Variants in GCC2 observed in about 807,000 individuals in gnomAD.
The protein encoded by GCC2 is GRIP and coiled-coil domain-containing protein 2.
GCC2 carries 120 observed loss-of-function variants against 210.6 expected under a neutral mutation model. That is an observed-to-expected ratio of 0.57 (90% CI 0.49 to 0.66). GCC2 has a LOEUF of 0.66. Ranked by LOEUF, GCC2 falls within the 30% of genes least tolerant of loss-of-function variation. GCC2 has a pLI of 0.00. For synonymous variants in GCC2, 703 were observed against 652.7 expected (o/e 1.08, Z -1.17); for missense variants, 1,868 against 1,871.9 (o/e 1.00, Z 0.04).
chr2:108,476,849 A>G (rs1275376078), intron 9 of GCC2, among the ~76,000 whole-genome samples: 2 of 152,174 alleles, frequency 1.3e-5, no homozygotes, highest in African/African-American at 2.4e-5. Flanking sequence ...AATAGAAGAT[A>G]CATACTGTGT....
intron 13 of GCC2, among the ~76,000 whole-genome samples, chr2:108,485,104 A>G (rs1261150105): frequency 1.3e-5 from 2 of 148,550 alleles, no homozygotes; most frequent in Non-Finnish European, 3.0e-5. Flanking sequence ...TCTCACTCAT[A>G]GGTGGGAACT....
intron 3 of GCC2, among the ~76,000 whole-genome samples, chr2:108,452,154 C>T (rs1679979710): frequency 6.6e-6 from 1 of 152,020 alleles, no homozygotes; most frequent in South Asian, 2.1e-4. Flanking sequence ...CTGGGGTATG[C>T]TTGAAAATTA....
chr2:108,485,177 G>A (rs545045110), intron 13 of GCC2, among the ~76,000 whole-genome samples: 1 of 151,358 alleles, frequency 6.6e-6, no homozygotes, highest in African/African-American at 2.4e-5. Context: ...GTGGTGGGGT[G>A]GGGGGAGTGG....
rs1237487117 is a variant in GCC2 at position 108,481,384 on chromosome 2, C to T, written c.3061-313C>T. 2.6e-5 allele frequency among the ~76,000 whole-genome samples: 4 copies of T among 152,148 alleles called. 1 individual carries two copies. The highest frequency in any genetic ancestry group is 9.7e-5 in the African/African-American group (4 of 41,440). ...AAATTGTGTTTATTAAACGTTGTAT[C>T]TATCCTTAAATTGTGTTTACACTTC... On this transcript the variant is annotated intron_variant, in intron 9 of 22. Transcript: ENST00000309863.
rs1305338654 is a variant in GCC2 at position 108,469,801 on chromosome 2, G to C, written c.472G>C (p.Glu158Gln). 3 of 1,613,808 alleles carry C rather than the reference G, an allele frequency of 1.9e-6. No individual in the cohort carries two copies. The African/African-American group carries it at 4.0e-5, about 22-fold the overall frequency. Residue 158 changes from glutamate to glutamine, a missense_variant, in exon 6 of 23, where the codon GAA becomes CAA. By Grantham distance (29) the Glu-to-Gln change is conservative. This residue lies in a region of GCC2 where 1,847 missense variants were observed against 1,765.2 expected (regional missense o/e 1.05). Coordinates refer to ENST00000309863, the MANE Select transcript of GCC2 (RefSeq NM_181453.4). ...AGCTAACTTACAAAAGCAGCTGGAA[G>C]AAGCAATGAATACGCAATTAGAACT... ...DKANLQKQLE[E>Q]AMNTQLELSE...
At chr2:108,457,806 TCCAGCAA>T (rs1680350278) in intron 4 of GCC2, among the ~76,000 whole-genome samples, 1 of 152,228 alleles carries the variant, frequency 6.6e-6, no homozygotes, top group African/African-American at 2.4e-5. Flanking sequence ...TGAATTTGTA[TCCAGCAA>T]CCTTACTGAA....
At position 108,469,852 on chromosome 2, in the gene GCC2, A is replaced by T. The variant is rs1340529074; in HGVS notation, c.523A>T (p.Asn175Tyr). The change falls in exon 6 of 23, where the codon AAC becomes TAC. Residue 175 changes from asparagine (N) to tyrosine (Y), a missense_variant. Coordinates refer to ENST00000309863, the MANE Select transcript of GCC2 (RefSeq NM_181453.4). ...ELSEQLKFQN[N>Y]SEDNVKKLQE... ...TTCAGAACAACTTAAATTTCAGAACAACTCTGAAGATAATGTTAAAAAACT... is the reference window on the plus strand; with the variant it reads ...TTCAGAACAACTTAAATTTCAGAACTACTCTGAAGATAATGTTAAAAAACT... 4 of 1,611,620 alleles carry T rather than the reference A, an allele frequency of 2.5e-6. No individual in the cohort carries two copies. In the East Asian group the frequency reaches 8.9e-5, roughly 36 times the overall value.
At position 108,486,348 on chromosome 2, in the gene GCC2, A is replaced by G. The variant is rs560811117; in HGVS notation, c.3793-163A>G. 5 of 702,504 alleles carry G rather than the reference A, an allele frequency of 7.1e-6. No homozygotes were observed. The Admixed American group carries it at 7.3e-5, about 10-fold the overall frequency. The allele number at this position is 702,504 out of a possible 1,614,324, so 43.5% of individuals were successfully genotyped here. The stretch of plus-strand genomic sequence containing the variant: ...GAAAAGATAACTTAGAAAATGTTCT[A>G]CTTGTCTCTGCTTTTTCAATAATAA... On this transcript the variant is annotated intron_variant, in intron 15 of 22. Coordinates refer to ENST00000309863, the MANE Select transcript of GCC2 (RefSeq NM_181453.4).
chr2:108,500,751 G>A (rs1682882681), intron 22 of GCC2, among the ~76,000 whole-genome samples: 1 of 152,148 alleles, frequency 6.6e-6, no homozygotes, highest in Non-Finnish European at 1.5e-5. Flanking sequence ...CTCTTGCGTT[G>A]TCACCCATCT....
At chr2:108,456,457 G>A (rs1465218476) in intron 4 of GCC2, among the ~76,000 whole-genome samples, 2 of 152,078 alleles carry the variant, frequency 1.3e-5, no homozygotes, top group Non-Finnish European at 2.9e-5. Context: ...GTGATATTGA[G>A]TATTTTATCA....
intron 22 of GCC2, among the ~76,000 whole-genome samples, chr2:108,501,664 C>T (rs1682932579): frequency 6.6e-6 from 1 of 152,020 alleles, no homozygotes; most frequent in Admixed American, 6.6e-5. Context: ...TCTGAATCAT[C>T]TGGTATACTT....
chr2:108,498,870 C>T (rs947246723), intron 21 of GCC2, among the ~76,000 whole-genome samples: 4 of 151,292 alleles, frequency 2.6e-5, no homozygotes, highest in African/African-American at 9.7e-5. Flanking sequence ...CCGATGTTCC[C>T]CTCAGCCCAT....
intron 17 of GCC2, among the ~76,000 whole-genome samples, chr2:108,488,058 A>G (rs577106954): frequency 6.6e-6 from 1 of 152,032 alleles, no homozygotes; most frequent in African/African-American, 2.4e-5. Flanking sequence ...GGCGTGTACC[A>G]TCATACCCAG....
At position 108,471,743 on chromosome 2, in the gene GCC2, A is replaced by G. The variant is rs373358076; in HGVS notation, c.2414A>G (p.Asp805Gly). Residue 805 changes from aspartate (D) to glycine (G), a missense_variant, in exon 6 of 23, where the codon GAT (aspartate) becomes GGT (glycine). Asp to Gly is a moderately conservative substitution (Grantham distance 94, BLOSUM62 -1). Around this residue, in one of 3 missense-constraint regions of GCC2, gnomAD observed 1,847 missense variants for 1,765.2 expected, o/e 1.05. Transcript: ENST00000309863. ...EEKCNLAFQR[D>G]EKVLELEKEI... is the part of the protein sequence containing the mutation. ...AAATGCAACCTGGCTTTTCAGCGTG[A>G]TGAAAAAGTATTAGAGTTAGAAAAA... The G allele has an allele frequency of 9.9e-6, 16 of 1,613,066 alleles. No homozygotes were observed. The African/African-American group carries it at 2.0e-4, about 20-fold the overall frequency.
intron 4 of GCC2, among the ~76,000 whole-genome samples, chr2:108,465,584 A>C (rs1162404817): frequency 1.3e-5 from 2 of 152,112 alleles, no homozygotes; most frequent in Non-Finnish European, 2.9e-5. Flanking sequence ...GCTCCTACTT[A>C]CAAGTGGGAA....
chr2:108,470,652 T>G lies in GCC2; in HGVS notation c.1323T>G (p.Asn441Lys), dbSNP rs1336881383. 1 of 1,612,102 alleles carries G rather than the reference T, an allele frequency of 6.2e-7. No individual in the cohort carries two copies. The highest frequency in any genetic ancestry group is 2.2e-5 in the East Asian group (1 of 44,840). ...EQHQKEISEL[N>K]ETFLSDSEKE... ...ATCAAAAAGAAATATCAGAACTAAATGAGACATTTTTGTCAGATTCAGAAA... is the reference window on the plus strand; with the variant it reads ...ATCAAAAAGAAATATCAGAACTAAAGGAGACATTTTTGTCAGATTCAGAAA... The change falls in exon 6 of 23, where the codon AAT becomes AAG. Residue 441 changes from asparagine (N) to lysine (K), a missense_variant. By Grantham distance (94) the Asn-to-Lys change is moderately conservative. Around this residue, in one of 3 missense-constraint regions of GCC2, gnomAD observed 1,847 missense variants for 1,765.2 expected, o/e 1.05. Transcript: ENST00000309863.
chr2:108,492,895 C>T (rs567143826), intron 19 of GCC2, 105 bp downstream of exon 19: 16 of 816,690 alleles, frequency 2.0e-5, no homozygotes, highest in South Asian at 1.4e-4. Context: ...CTAGGTGTCA[C>T]CAGTGTCAAA....
intron 4 of GCC2, chr2:108,462,796 C>T (rs1171762383): frequency 6.6e-6 from 1 of 151,798 alleles, no homozygotes; most frequent in Admixed American, 6.6e-5. Flanking sequence ...CTCATGACCT[C>T]AGATGATCCA....
At chr2:108,477,097 G>T (rs577256231) in intron 9 of GCC2, among the ~76,000 whole-genome samples, 2 of 151,932 alleles carry the variant, frequency 1.3e-5, no homozygotes, top group African/African-American at 4.8e-5. Context: ...GATTTTTTTT[G>T]GCTGGATCTT....
Sources: gnomAD v4.1 joint callset for allele counts (sites outside exome capture counted in the v4.1 genomes callset) on GRCh38, gnomAD v4.1.1 for gene constraint, gnomAD v4.1.1 regional missense constraint, MANE v1.5 for transcripts, NCBI Gene and HGNC (gene_info 2026-07-23, HGNC 2026-07-21) for gene names.